MARCHF1: variants seen among roughly 807,000 people sequenced by gnomAD.
The protein encoded by MARCHF1 is E3 ubiquitin-protein ligase MARCHF1.
MARCHF1 carries 40 observed loss-of-function variants against 54.2 expected under a neutral mutation model. The observed-to-expected ratio is 0.74, with a 90% confidence interval of 0.57 to 0.96. The LOEUF is 0.96. Among genes scored for constraint, MARCHF1 ranks in the 40% least tolerant of loss-of-function variants. MARCHF1 has a pLI of 0.00. For synonymous variants in MARCHF1, 236 were observed against 236.3 expected (o/e 1.00, Z 0.01); for missense variants, 586 against 656.5 (o/e 0.89, Z 1.17).
intron 2 of MARCHF1, among the ~76,000 whole-genome samples, chr4:164,071,884 A>C (rs978476872): frequency 6.6e-6 from 1 of 152,214 alleles, no homozygotes. Context: ...TTTCTTTCAA[A>C]ATTCTGCACT....
chr4:164,219,923 C>A (rs371075095), intron 1 of MARCHF1, among the ~76,000 whole-genome samples: 1 of 151,872 alleles, frequency 6.6e-6, no homozygotes, highest in East Asian at 1.9e-4. Flanking sequence ...GACCCAGACA[C>A]GGTGAAGTTA....
At chr4:163,849,355 A>T (rs955138423) in intron 4 of MARCHF1, among the ~76,000 whole-genome samples, 2 of 39,180 alleles carry the variant, frequency 5.1e-5, no homozygotes, top group Non-Finnish European at 5.8e-4. Context: ...CATAATAATC[A>T]GCCACCATCA....
chr4:163,549,501 G>C (rs923815260), intron 8 of MARCHF1, among the ~76,000 whole-genome samples: 7 of 152,088 alleles, frequency 4.6e-5, no homozygotes, highest in African/African-American at 1.7e-4. Context: ...CCGACCCTCT[G>C]ATCTGCCCTT....
intron 2 of MARCHF1, among the ~76,000 whole-genome samples, chr4:164,110,123 TACACACACACAC>T (rs70948699): frequency 9.6e-5 from 14 of 145,930 alleles, no homozygotes; most frequent in African/African-American, 2.5e-4. Context: ...GAATTGGAGA[TACACACACACAC>T]ACACACACAC....
At chr4:163,872,984 C>T (rs926682419) in intron 3 of MARCHF1, among the ~76,000 whole-genome samples, 1 of 151,840 alleles carries the variant, frequency 6.6e-6, no homozygotes, top group African/African-American at 2.4e-5. Flanking sequence ...GCGGAGCTTG[C>T]AGTGAGCCGA....
intron 1 of MARCHF1, among the ~76,000 whole-genome samples, chr4:164,226,088 C>G (rs1167003350): frequency 2.6e-5 from 4 of 151,758 alleles, no homozygotes; most frequent in African/African-American, 4.8e-5. Context: ...TTCTTTTTTT[C>G]TCGTATTCTC....
At chr4:163,695,230 A>G (rs1480641947) in intron 5 of MARCHF1, among the ~76,000 whole-genome samples, 1 of 152,186 alleles carries the variant, frequency 6.6e-6, no homozygotes, top group Non-Finnish European at 1.5e-5. Flanking sequence ...CTTGCTGGAA[A>G]GTACTTTGGG....
chr4:164,176,976 C>CAATATATATATATATATATATATATA, intron 1 of MARCHF1, among the ~76,000 whole-genome samples: 1 of 32,870 alleles, frequency 3.0e-5, no homozygotes, highest in Non-Finnish European at 5.9e-5. Flanking sequence ...CTCTCTCTCT[C>CAATATATATATATATATATATATATA]TCTCTATATA....
At chr4:163,842,356 G>A (rs1749364515) in intron 4 of MARCHF1, among the ~76,000 whole-genome samples, 1 of 151,820 alleles carries the variant, frequency 6.6e-6, no homozygotes, top group Admixed American at 6.6e-5. Flanking sequence ...GTATCTCTAA[G>A]ATATATATGT....
intron 8 of MARCHF1, among the ~76,000 whole-genome samples, chr4:163,548,670 A>T (rs1162853814): frequency 3.3e-5 from 5 of 152,240 alleles, no homozygotes; most frequent in African/African-American, 4.8e-5. Context: ...ATGTAATGCC[A>T]CAGTGCCCTC....
At chr4:163,986,327 C>T (rs1262544908) in intron 3 of MARCHF1, among the ~76,000 whole-genome samples, 10 of 128,600 alleles carry the variant, frequency 7.8e-5, no homozygotes, top group East Asian at 2.6e-4. Context: ...TGCAGTGGCG[C>T]GATCTCGGCT....
chr4:164,106,779 TA>T lies in MARCHF1; in HGVS notation c.-248+4808del, dbSNP rs1230772911. On this transcript the variant is annotated intron_variant, in intron 2 of 9. Coordinates refer to ENST00000514618, the MANE Select transcript of MARCHF1 (RefSeq NM_001394959.1). The stretch of plus-strand genomic sequence containing the variant: ...CTTGAAGTATAATAAAAATAAAAAA[TA>T]AAAAAAAAAAAGGAATAAGCTGCCA... 3.5e-3 allele frequency among the ~76,000 whole-genome samples: 470 copies of T among 135,046 alleles called. 3 individuals are homozygous for T. Among genetic ancestry groups the T allele is most frequent in the Admixed American group, 7.6e-3 (103 of 13,506 alleles). 88.6% of individuals were successfully genotyped at this position (135,046 alleles called of 152,430 possible). A position where few individuals can be genotyped will look rare whatever the true frequency, so the allele number is the denominator to read the frequency against.
At chr4:163,584,327 A>T (rs1472553712) in intron 8 of MARCHF1, 1 of 152,120 alleles carries the variant, frequency 6.6e-6, no homozygotes, top group African/African-American at 2.4e-5. Flanking sequence ...AGCATGAGAA[A>T]AAAAATGAAG....
At chr4:163,693,296 C>A (rs1443355706) in intron 5 of MARCHF1, among the ~76,000 whole-genome samples, 1 of 151,318 alleles carries the variant, frequency 6.6e-6, no homozygotes, top group Non-Finnish European at 1.5e-5. Flanking sequence ...AGAGTTAAGA[C>A]CAAATTTTGC....
At chr4:163,646,730 G>T (rs749774526) in intron 5 of MARCHF1, among the ~76,000 whole-genome samples, 2 of 151,970 alleles carry the variant, frequency 1.3e-5, no homozygotes, top group Non-Finnish European at 2.9e-5. Flanking sequence ...TTTATGAAGT[G>T]TCAGGAAAAC....
At chr4:164,264,154 AC>A (rs1733542511) in intron 1 of MARCHF1, among the ~76,000 whole-genome samples, 1 of 152,258 alleles carries the variant, frequency 6.6e-6, no homozygotes, top group South Asian at 2.1e-4. Context: ...ATGGAATACT[AC>A]GCCGCCATTA....
chr4:163,829,572 C>T (rs1748958954), intron 4 of MARCHF1, among the ~76,000 whole-genome samples: 1 of 152,154 alleles, frequency 6.6e-6, no homozygotes, highest in South Asian at 2.1e-4. Context: ...CACAGTATCC[C>T]TCTCCCTGAA....
At chr4:163,589,145 A>G (rs569765187) in intron 7 of MARCHF1, among the ~76,000 whole-genome samples, 1 of 151,528 alleles carries the variant, frequency 6.6e-6, no homozygotes, top group African/African-American at 2.4e-5. Flanking sequence ...CAAATGCTCT[A>G]CAGGCACCAA....
chr4:164,114,253 T>C (rs1560910997), intron 1 of MARCHF1, among the ~76,000 whole-genome samples: 2 of 151,970 alleles, frequency 1.3e-5, no homozygotes, highest in Admixed American at 1.3e-4. Context: ...TATATGTATA[T>C]TCATAAAAAT....
Sources: gnomAD v4.1 joint callset for allele counts (sites outside exome capture counted in the v4.1 genomes callset) on GRCh38, gnomAD v4.1.1 for gene constraint, MANE v1.5 for transcripts, NCBI Gene and HGNC (gene_info 2026-07-23, HGNC 2026-07-21) for gene names.